The following MYO1E variants were observed in gnomAD, a reference collection of about 807,000 sequenced individuals.
The protein encoded by MYO1E is unconventional myosin-Ie.
A neutral mutation model predicts 151.1 loss-of-function variants in MYO1E; 68 were observed. The ratio of observed to expected loss-of-function variants is 0.45; its 90% CI spans 0.37 to 0.55. The LOEUF is 0.55. Ranked by LOEUF, MYO1E falls within the 20% of genes least tolerant of loss-of-function variation. The probability of loss-of-function intolerance (pLI) is 0.00; values close to 1 mark genes in which losing one functional copy is unlikely to be tolerated. For missense variants in MYO1E, 1,363 were observed against 1,389.3 expected (o/e 0.98, Z 0.30); for synonymous variants, 601 against 501.7 (o/e 1.20, Z -2.64).
intron 18 of MYO1E, among the ~76,000 whole-genome samples, chr15:59,178,829 T>C (rs2079641303): frequency 6.6e-6 from 1 of 152,182 alleles, no homozygotes; most frequent in Non-Finnish European, 1.5e-5. Flanking sequence ...GAAAATAGCA[T>C]TGTGGAAGGC....
At chr15:59,192,215 CAACT>C (rs140798833) in intron 17 of MYO1E, among the ~76,000 whole-genome samples, 12,123 of 151,690 alleles carry the variant, frequency 0.08, 1,325 homozygotes, top group African/African-American at 0.24. Context: ...AACGCTCGAC[CAACT>C]AATACCTTGA....
intron 1 of MYO1E, among the ~76,000 whole-genome samples, chr15:59,302,773 G>GA (rs11412593): frequency 0.3 from 45,056 of 151,902 alleles, 8,863 homozygotes; most frequent in African/African-American, 0.56. Flanking sequence ...TATAAACTCT[G>GA]GACACTATAT....
chr15:59,201,861 G>A (rs1404579462), intron 16 of MYO1E, among the ~76,000 whole-genome samples: 1 of 152,166 alleles, frequency 6.6e-6, no homozygotes, highest in Non-Finnish European at 1.5e-5. Context: ...TCACAGCAAG[G>A]AGAGGCCTGT....
intron 18 of MYO1E, among the ~76,000 whole-genome samples, chr15:59,184,246 A>T (rs555760404): frequency 2.1e-3 from 316 of 152,232 alleles, no homozygotes; most frequent in Non-Finnish European, 3.5e-3. Context: ...ACCTCAAGTG[A>T]TCCACACACC....
intron 2 of MYO1E, among the ~76,000 whole-genome samples, chr15:59,270,644 C>CA (rs1555415904): frequency 2.1e-5 from 3 of 145,448 alleles, no homozygotes; most frequent in East Asian, 4.0e-4. Flanking sequence ...AATAAATTCA[C>CA]TTTTTTTTTT....
intron 24 of MYO1E, among the ~76,000 whole-genome samples, chr15:59,160,312 G>C (rs934137635): frequency 1.3e-5 from 2 of 150,812 alleles, no homozygotes; most frequent in African/African-American, 4.9e-5. Context: ...CAGGGAAGGA[G>C]TTAGACTGGG....
intron 19 of MYO1E, among the ~76,000 whole-genome samples, chr15:59,175,152 T>C (rs1159089931): frequency 1.3e-5 from 2 of 152,210 alleles, no homozygotes; most frequent in African/African-American, 4.8e-5. Flanking sequence ...GGCTAGAAAG[T>C]GAACCTAGGT....
At chr15:59,168,830 A>G (rs2079576188) in intron 22 of MYO1E, among the ~76,000 whole-genome samples, 1 of 152,130 alleles carries the variant, frequency 6.6e-6, no homozygotes, top group African/African-American at 2.4e-5. Flanking sequence ...TATGTTGCCC[A>G]GGTGGGTCCC....
intron 1 of MYO1E, among the ~76,000 whole-genome samples, chr15:59,326,108 G>C (rs1214485072): frequency 1.3e-5 from 2 of 151,256 alleles, no homozygotes; most frequent in Non-Finnish European, 2.9e-5. Context: ...TTCCATTTGA[G>C]TACATTTGTA....
rs1282947492 is a variant in MYO1E at position 59,159,400 on chromosome 15, T to G, written c.2786-1021A>C. 6.6e-6 allele frequency among the ~76,000 whole-genome samples: 1 copy of G among 152,246 alleles called. No individual in the cohort carries two copies. Among genetic ancestry groups the G allele is most frequent in the African/African-American group, 2.4e-5 (1 of 41,470 alleles). ...GCTCTGTGCCCTGGGGTCTGAGTCCTGTGGACAGCCAGGCCTCTGCCTTCC... is the reference window on the plus strand; with the variant it reads ...GCTCTGTGCCCTGGGGTCTGAGTCCGGTGGACAGCCAGGCCTCTGCCTTCC... On this transcript the variant is annotated intron_variant, in intron 24 of 27. Coordinates refer to ENST00000288235, the MANE Select transcript of MYO1E (RefSeq NM_004998.4). This position sits in a 1 kb window ranked among gnomAD's most constrained non-coding sequence, Gnocchi z 4.4.
At chr15:59,311,270 G>A (rs974069395) in intron 1 of MYO1E, among the ~76,000 whole-genome samples, 4 of 151,898 alleles carry the variant, frequency 2.6e-5, no homozygotes, top group East Asian at 1.9e-4. Context: ...GGTTGAAACC[G>A]TTCCACCTCA....
intron 17 of MYO1E, among the ~76,000 whole-genome samples, chr15:59,190,955 C>T (rs1294519202): frequency 6.6e-6 from 1 of 151,790 alleles, no homozygotes; most frequent in Non-Finnish European, 1.5e-5. Context: ...AGCAAAGGTA[C>T]AAGAATAGGA....
intron 19 of MYO1E, among the ~76,000 whole-genome samples, chr15:59,176,362 G>A (rs1304164181): frequency 6.6e-6 from 1 of 152,046 alleles, no homozygotes; most frequent in African/African-American, 2.4e-5. Flanking sequence ...GCGCGGTTAT[G>A]ATGTGGGTTC....
intron 3 of MYO1E, among the ~76,000 whole-genome samples, chr15:59,260,958 C>T (rs1211599051): frequency 6.6e-6 from 1 of 152,094 alleles, no homozygotes; most frequent in Admixed American, 6.5e-5. Context: ...GGCGTGGTGG[C>T]TCACCAGCAC....
chr15:59,253,081 C>A (rs1394270938), intron 4 of MYO1E, among the ~76,000 whole-genome samples: 2 of 152,242 alleles, frequency 1.3e-5, no homozygotes, highest in East Asian at 3.9e-4. Context: ...ATCATTTCAG[C>A]CTTGAAAAGT....
At chr15:59,140,903 C>G in intron 26 of MYO1E, among the ~76,000 whole-genome samples, 1 of 152,188 alleles carries the variant, frequency 6.6e-6, no homozygotes, top group East Asian at 1.9e-4. Flanking sequence ...CTGCACTTTT[C>G]TCTTAGTGCA....
chr15:59,301,496 C>T (rs2080482376), intron 1 of MYO1E, among the ~76,000 whole-genome samples: 1 of 152,170 alleles, frequency 6.6e-6, no homozygotes, highest in South Asian at 2.1e-4. Flanking sequence ...GACTCAACAG[C>T]CCTGCCTTAA....
chr15:59,214,823 T>G (rs2079903388), intron 10 of MYO1E, 103 bp from the exon 11 acceptor site: 8 of 885,492 alleles, frequency 9.0e-6, no homozygotes, highest in Non-Finnish European at 1.5e-5. Context: ...CAAACACTAC[T>G]GCTTGCAGGA....
At chr15:59,332,046 T>G (rs1292349006) in intron 1 of MYO1E, among the ~76,000 whole-genome samples, 1 of 152,250 alleles carries the variant, frequency 6.6e-6, no homozygotes, top group East Asian at 1.9e-4. Flanking sequence ...AAAATTGGGA[T>G]GCGTATAAAT....
Sources: allele counts gnomAD v4.1 joint callset (sites outside exome capture counted in the v4.1 genomes callset), GRCh38; gene constraint gnomAD v4.1.1; non-coding constraint Gnocchi (gnomAD v3.1); transcripts MANE v1.5; gene names NCBI Gene and HGNC (gene_info 2026-07-23, HGNC 2026-07-21).